CDH4: variants seen among roughly 807,000 people sequenced by gnomAD.
The protein encoded by CDH4 is cadherin-4.
A neutral mutation model predicts 86.0 loss-of-function variants in CDH4; 33 were observed. The ratio of observed to expected loss-of-function variants is 0.38; its 90% CI spans 0.29 to 0.51. The LOEUF is 0.51. Among genes scored for constraint, CDH4 ranks in the 20% least tolerant of loss-of-function variants. CDH4 has a pLI of 0.86. For missense variants in CDH4, 1,114 were observed against 1,307.4 expected (o/e 0.85, Z 2.28); for synonymous variants, 555 against 549.4 (o/e 1.01, Z -0.14).
At chr20:61,491,857 GTGGTATTGATGTTGA>G (rs1439813377) in intron 2 of CDH4, among the ~76,000 whole-genome samples, 1 of 151,990 alleles carries the variant, frequency 6.6e-6, no homozygotes, top group East Asian at 1.9e-4. Context: ...GTTGATGTTG[GTGGTATTGATGTTGA>G]TGGTATTGAT....
chr20:61,273,144 G>A (rs1394889657), intron 2 of CDH4, among the ~76,000 whole-genome samples: 5 of 115,154 alleles, frequency 4.3e-5, no homozygotes, highest in South Asian at 3.1e-4. Context: ...GGGGAGTACC[G>A]TGTGCAGTTT....
chr20:61,546,026 T>TATTCACATTC, intron 2 of CDH4, among the ~76,000 whole-genome samples: 1 of 137,810 alleles, frequency 7.3e-6, no homozygotes, highest in Admixed American at 7.4e-5. Flanking sequence ...TGGGATACGG[T>TATTCACATTC]GTGTGTTCGT....
chr20:61,804,329 G>A (rs945584110), intron 4 of CDH4, among the ~76,000 whole-genome samples: 5 of 152,184 alleles, frequency 3.3e-5, no homozygotes, highest in Admixed American at 6.5e-5. Context: ...GGACCGAGGC[G>A]GGTAGAAGTG....
At chr20:61,798,939 C>T (rs935377006) in intron 4 of CDH4, among the ~76,000 whole-genome samples, 3 of 152,256 alleles carry the variant, frequency 2.0e-5, no homozygotes, top group African/African-American at 7.2e-5. Context: ...CCTTTCGCGA[C>T]ACAGGGCAAG....
At chr20:61,844,298 C>A (rs910465579) in intron 4 of CDH4, among the ~76,000 whole-genome samples, 3 of 152,174 alleles carry the variant, frequency 2.0e-5, no homozygotes, top group Non-Finnish European at 4.4e-5. Context: ...TTTTCTCTCA[C>A]TGTGGAGGTT....
intron 5 of CDH4, among the ~76,000 whole-genome samples, chr20:61,845,303 C>T (rs960792952): frequency 6.6e-6 from 1 of 152,242 alleles, no homozygotes; most frequent in Non-Finnish European, 1.5e-5. Flanking sequence ...TTTCCTCCGA[C>T]GTCTCTCGCG....
chr20:61,591,462 T>G (rs2145732373), intron 2 of CDH4, among the ~76,000 whole-genome samples: 1 of 152,286 alleles, frequency 6.6e-6, no homozygotes, highest in African/African-American at 2.4e-5. Context: ...GGTCTGCTTC[T>G]GTTTCCACTC....
chr20:61,848,874 T>TC (rs1366286376), intron 5 of CDH4, among the ~76,000 whole-genome samples: 1 of 152,180 alleles, frequency 6.6e-6, no homozygotes, highest in African/African-American at 2.4e-5. Context: ...TTCATGGTTT[T>TC]CTCCCTGCTT....
At chr20:61,359,452 C>T (rs1600899238) in intron 2 of CDH4, among the ~76,000 whole-genome samples, 2 of 152,224 alleles carry the variant, frequency 1.3e-5, no homozygotes, top group Non-Finnish European at 2.9e-5. Flanking sequence ...CCGACTTCCC[C>T]AGCACGCAGG....
At chr20:61,491,668 G>T (rs2085626543) in intron 2 of CDH4, among the ~76,000 whole-genome samples, 1 of 152,174 alleles carries the variant, frequency 6.6e-6, no homozygotes, top group Admixed American at 6.5e-5. Context: ...TGTTTTCGTT[G>T]GTGGTATTGA....
intron 2 of CDH4, among the ~76,000 whole-genome samples, chr20:61,333,875 C>T (rs1035613557): frequency 6.6e-6 from 1 of 152,276 alleles, no homozygotes; most frequent in Non-Finnish European, 1.5e-5. Flanking sequence ...CCTGCCAGGG[C>T]CTGGCAATGG....
At chr20:61,424,574 C>T (rs374020373) in intron 2 of CDH4, among the ~76,000 whole-genome samples, 66 of 152,342 alleles carry the variant, frequency 4.3e-4, no homozygotes, top group African/African-American at 1.6e-3. Flanking sequence ...TGATGTGGTC[C>T]TCCCATGGCC....
At chr20:61,729,490 CTCTT>C (rs1205186065) in intron 2 of CDH4, among the ~76,000 whole-genome samples, 1 of 152,220 alleles carries the variant, frequency 6.6e-6, no homozygotes, top group Non-Finnish European at 1.5e-5. Context: ...AGAAATTCCT[CTCTT>C]TATATAGGCT....
intron 6 of CDH4, among the ~76,000 whole-genome samples, chr20:61,858,601 G>C (rs1319882312): frequency 6.6e-6 from 1 of 152,170 alleles, no homozygotes; most frequent in Admixed American, 6.5e-5. Context: ...CTAACCTGTG[G>C]CAACCACGAC....
chr20:61,522,533 C>T (rs2085877598), intron 2 of CDH4, among the ~76,000 whole-genome samples: 1 of 152,250 alleles, frequency 6.6e-6, no homozygotes, highest in African/African-American at 2.4e-5. Context: ...TAGCATAAAT[C>T]TGCCACGTAC....
At chr20:61,906,109 T>C (rs1361717919) in intron 8 of CDH4, among the ~76,000 whole-genome samples, 2 of 152,242 alleles carry the variant, frequency 1.3e-5, no homozygotes, top group African/African-American at 2.4e-5. Context: ...TGACCCCTAA[T>C]TGGCTGACTT....
At chr20:61,714,810 C>T (rs1034016551) in intron 2 of CDH4, among the ~76,000 whole-genome samples, 2 of 152,152 alleles carry the variant, frequency 1.3e-5, no homozygotes, top group Admixed American at 6.5e-5. Context: ...TACTCATTGG[C>T]TGATGGGCAC....
intron 3 of CDH4, among the ~76,000 whole-genome samples, chr20:61,758,876 G>A (rs544749151): frequency 7.5e-4 from 114 of 152,290 alleles, no homozygotes; most frequent in African/African-American, 2.7e-3. Context: ...GCACAGTCAG[G>A]TTCTGCTTGG....
intron 7 of CDH4, among the ~76,000 whole-genome samples, chr20:61,894,629 G>A (rs1227982941): frequency 1.3e-5 from 2 of 152,086 alleles, no homozygotes; most frequent in African/African-American, 2.4e-5. Flanking sequence ...GGCACCAAAC[G>A]TGATCTGCCC....
Sources: allele counts gnomAD v4.1 joint callset (sites outside exome capture counted in the v4.1 genomes callset), GRCh38; gene constraint gnomAD v4.1.1; transcripts MANE v1.5; gene names NCBI Gene and HGNC (gene_info 2026-07-23, HGNC 2026-07-21).